The following HNMT variants were observed in gnomAD, a reference collection of about 807,000 sequenced individuals.
HNMT encodes the protein histamine N-methyltransferase.
HNMT carries 30 observed loss-of-function variants against 32.1 expected under a neutral mutation model. The ratio of observed to expected loss-of-function variants is 0.93; its 90% confidence interval spans 0.70 to 1.27. The LOEUF (loss-of-function observed/expected upper bound fraction) is 1.27. HNMT is among the 50% of genes most tolerant of loss of function. HNMT has a pLI of 0.00. For synonymous variants in HNMT, 125 were observed against 119.0 expected (o/e 1.05, Z -0.33); for missense variants, 327 against 346.0 (o/e 0.95, Z 0.43).
At chr2:138,012,542 T>C (rs1424520018) in intron 5 of HNMT, among the ~76,000 whole-genome samples, 1 of 152,164 alleles carries the variant, frequency 6.6e-6, no homozygotes, top group African/African-American at 2.4e-5. Context: ...CACCATTTAC[T>C]GTGCTCTTTC....
chr2:137,980,180 C>T (rs1247349151), intron 2 of HNMT, among the ~76,000 whole-genome samples: 1 of 152,078 alleles, frequency 6.6e-6, no homozygotes, highest in African/African-American at 2.4e-5. Context: ...GGACTACAGG[C>T]GTCAGCCACC....
intron 2 of HNMT, chr2:137,991,927 C>T (rs918234713): frequency 2.0e-5 from 3 of 152,204 alleles, no homozygotes; most frequent in Non-Finnish European, 1.5e-5. Flanking sequence ...GTTCTCTCAT[C>T]AGAACTGACT....
intron 2 of HNMT, among the ~76,000 whole-genome samples, chr2:137,986,431 C>T (rs1680654156): frequency 6.6e-6 from 1 of 152,134 alleles, no homozygotes; most frequent in Non-Finnish European, 1.5e-5. Context: ...TCAACAAAGG[C>T]TGATATTTCA....
At position 138,001,385 on chromosome 2, in the gene HNMT, A is replaced by G. The variant is rs77386681; in HGVS notation, c.298+360A>G. Among the ~76,000 whole-genome samples, 935 of 152,294 alleles carry G rather than the reference A, an allele frequency of 6.1e-3. 5 individuals are homozygous for G. The highest frequency in any genetic ancestry group is 0.021 in the African/African-American group (873 of 41,586). ...TCACAAACTTTTCCTGGCAAAGGCC[A>G]AATAGTAAATATTTTAGATTCAGAA... On this transcript the variant is annotated intron_variant, in intron 3 of 5. Coordinates refer to ENST00000280097, the MANE Select transcript of HNMT (RefSeq NM_006895.3).
chr2:137,994,704 C>T (rs1680934064), intron 2 of HNMT, among the ~76,000 whole-genome samples: 1 of 152,214 alleles, frequency 6.6e-6, no homozygotes, highest in Admixed American at 6.5e-5. Flanking sequence ...TACCCCAAAT[C>T]AACAGAATAT....
In HNMT at chr2:137,981,161, C is replaced by T. The variant is rs538378891; in HGVS notation, c.190+10944C>T. 2.8e-5 allele frequency: 43 copies of T among 1,552,158 alleles called. No homozygotes were observed. In the African/African-American group the frequency reaches 5.9e-4, roughly 21 times the overall value. ...AAAAGAAGCAGGGATAGGCTGAAAT[C>T]GAATGGCAGGAGATATGGCCACAGT... On this transcript the variant is annotated intron_variant, in intron 2 of 5. Transcript: ENST00000280097.
intron 2 of HNMT, among the ~76,000 whole-genome samples, chr2:137,970,813 G>C (rs572013282): frequency 6.6e-6 from 1 of 151,670 alleles, no homozygotes; most frequent in African/African-American, 2.4e-5. Flanking sequence ...CCAGCTACTC[G>C]GGAGGCTGAG....
intron 4 of HNMT, 61 bp from the exon 5 acceptor site, chr2:138,005,071 C>A (rs1482830395): frequency 5.5e-6 from 5 of 905,192 alleles, no homozygotes; most frequent in Non-Finnish European, 9.1e-6. Context: ...GAGTATCTAG[C>A]CCAAGCAATA....
chr2:138,004,223 C>T (rs1681267429), intron 4 of HNMT, among the ~76,000 whole-genome samples: 1 of 152,082 alleles, frequency 6.6e-6, no homozygotes, highest in South Asian at 2.1e-4. Context: ...GGGTACCTGC[C>T]TATGGTCCCT....
intron 2 of HNMT, among the ~76,000 whole-genome samples, chr2:137,994,293 CA>C (rs1390323860): frequency 1.3e-5 from 2 of 152,132 alleles, no homozygotes; most frequent in Non-Finnish European, 2.9e-5. Context: ...ATCTCATGTG[CA>C]AAGACATGCA....
chr2:137,979,020 T>C (rs1368764856), intron 2 of HNMT, among the ~76,000 whole-genome samples: 1 of 142,544 alleles, frequency 7.0e-6, no homozygotes, highest in African/African-American at 2.5e-5. Flanking sequence ...TCTTATATAA[T>C]ATACTATATA....
In HNMT at chr2:138,014,147, T is replaced by C. The variant is rs769378079; in HGVS notation, c.*17T>C. On this transcript the variant is annotated 3_prime_UTR_variant, in exon 6 of 6. Coordinates refer to ENST00000280097, the MANE Select transcript of HNMT (RefSeq NM_006895.3). ...GAGGCATAACTATCAATCACAAAAG[T>C]ATATTCAAAAATTATATTTTGAACA... 2.1e-6 allele frequency: 3 copies of C among 1,397,530 alleles called. No individual in the cohort carries two copies. In the African/African-American group the frequency reaches 4.3e-5, roughly 20 times the overall value. The allele number at this position is 1,397,530 out of a possible 1,614,324, so 86.6% of individuals were successfully genotyped here.
intron 5 of HNMT, among the ~76,000 whole-genome samples, chr2:138,012,636 C>A (rs1681541535): frequency 6.6e-6 from 1 of 152,094 alleles, no homozygotes; most frequent in South Asian, 2.1e-4. Context: ...ACCTGAATGT[C>A]CAGTAGGTAT....
chr2:137,992,026 C>T (rs1472612329), intron 2 of HNMT: 2 of 55,056 alleles, frequency 3.6e-5, no homozygotes, highest in African/African-American at 1.4e-4. Context: ...GAGCCCCCTC[C>T]CCCCCAGCCA....
Position 138,015,046 on chromosome 2 carries a change from T to C in HNMT, c.*916T>C, listed in dbSNP as rs1049206240. The C allele has an allele frequency of 2.6e-5, 4 of 151,990 alleles. No homozygotes were observed. The highest frequency in any genetic ancestry group is 2.1e-4 in the South Asian group (1 of 4,826). 9.4% of individuals were successfully genotyped at this position (151,990 alleles called of 1,614,324 possible). ...GCAGCTTTTACCAGATTTCTAGGAA[T>C]TGGGTAAATGCAAGGTTCTAGAAAA... On this transcript the variant is annotated 3_prime_UTR_variant, in exon 6 of 6. Coordinates refer to ENST00000280097, the MANE Select transcript of HNMT (RefSeq NM_006895.3).
intron 4 of HNMT, among the ~76,000 whole-genome samples, chr2:138,003,618 A>C (rs1223222875): frequency 6.6e-6 from 1 of 152,010 alleles, no homozygotes; most frequent in Non-Finnish European, 1.5e-5. Flanking sequence ...CCACTTCCTC[A>C]CATAACTATT....
intron 5 of HNMT, among the ~76,000 whole-genome samples, chr2:138,010,476 CACACACAG>C (rs1414636618): frequency 1.1e-3 from 156 of 144,812 alleles, no homozygotes; most frequent in South Asian, 5.5e-3. Context: ...CACACACACA[CACACACAG>C]CAAATGGAAG....
At position 138,005,067 on chromosome 2, in the gene HNMT, C is replaced by G. The variant is rs1177970377; in HGVS notation, c.430-65C>G. 1.0e-5 allele frequency: 9 copies of G among 870,284 alleles called. No individual in the cohort carries two copies. The East Asian group carries it at 2.0e-4, about 19-fold the overall frequency. The allele number at this position is 870,284 out of a possible 1,614,324, so 53.9% of individuals were successfully genotyped here. ...AGAAAATCAAACTTTCTAGGAGTATCTAGCCCAAGCAATAAAGACTTCAAC... is the reference window on the plus strand; with the variant it reads ...AGAAAATCAAACTTTCTAGGAGTATGTAGCCCAAGCAATAAAGACTTCAAC... On this transcript the variant is annotated intron_variant, in intron 4 of 5. Coordinates refer to ENST00000280097, the MANE Select transcript of HNMT (RefSeq NM_006895.3).
chr2:137,967,260 A>C (rs1679987297), intron 1 of HNMT: 1 of 617,426 alleles, frequency 1.6e-6, no homozygotes, highest in African/African-American at 1.9e-5. Context: ...AAAAGTGAAA[A>C]AGTTAGCTGA....
Sources: allele counts gnomAD v4.1 joint callset (sites outside exome capture counted in the v4.1 genomes callset), GRCh38; gene constraint gnomAD v4.1.1; transcripts MANE v1.5; gene names NCBI Gene and HGNC (gene_info 2026-07-23, HGNC 2026-07-21).